KYAT1: variants seen among roughly 807,000 people sequenced by gnomAD.
The protein encoded by KYAT1 is kynurenine aminotransferase 1.
Under a neutral mutation model 52.4 loss-of-function variants are expected in KYAT1, and 47 were observed. The ratio of observed to expected loss-of-function variants is 0.90; its 90% CI spans 0.71 to 1.14. KYAT1 has a LOEUF of 1.14. Among genes scored for constraint, KYAT1 ranks in the 50% most tolerant of loss-of-function variants. The probability of loss-of-function intolerance (pLI) is 0.00; values close to 1 mark genes in which losing one functional copy is unlikely to be tolerated. For synonymous variants in KYAT1, 212 were observed against 209.6 expected, an observed-to-expected ratio of 1.01 and a Z score of -0.10; for missense variants, 480 against 557.9, an observed-to-expected ratio of 0.86 and a Z score of 1.41.
chr9:128,847,396 C>A lies in KYAT1; in HGVS notation c.-6-1985G>T. The stretch of plus-strand genomic sequence containing the variant: ...GAGCCAGACCCCAGAAGCCCCAGGC[C>A]ATGCAGGTGGCAGAGTATTGGGGTT... On this transcript the variant is annotated intron_variant, in intron 1 of 12. Transcript: ENST00000302586. The A allele has an allele frequency of 2.2e-6, 3 of 1,389,702 alleles. No individual in the cohort carries two copies. In the East Asian group the frequency reaches 7.5e-5, roughly 35 times the overall value. 86.1% of individuals were successfully genotyped at this position (1,389,702 alleles called of 1,614,324 possible).
intron 1 of KYAT1, among the ~76,000 whole-genome samples, chr9:128,876,575 G>A (rs915594409): frequency 4.0e-5 from 6 of 150,982 alleles, no homozygotes; most frequent in Admixed American, 2.6e-4. Context: ...CCGCCACCAC[G>A]CCCTGCTAAT....
chr9:128,840,283 G>C (rs1366103595), intron 3 of KYAT1, among the ~76,000 whole-genome samples: 2 of 152,036 alleles, frequency 1.3e-5, no homozygotes, highest in African/African-American at 2.4e-5. Flanking sequence ...TTTTGTTGTT[G>C]TTGTTGTTGT....
rs1031856039 is a variant in KYAT1 at position 128,835,520 on chromosome 9, G to A, written c.1003C>T (p.Gln335Ter). The A allele has an allele frequency of 3.1e-6, 5 of 1,613,792 alleles. No individual in the cohort carries two copies. The highest frequency in any genetic ancestry group is 1.3e-5 in the African/African-American group (1 of 75,054). ...QSVGLKPIIP[Q>*]GSYFLITDIS... Reference sequence around the variant, plus strand: ...TCTGTGATGAGGAAGTAGCTGCCCTGAGGGATGATGGGCTTCAGGCCCACT... The same window carrying A: ...TCTGTGATGAGGAAGTAGCTGCCCTAAGGGATGATGGGCTTCAGGCCCACT... The change falls in exon 10 of 13, where the codon CAG becomes TAG. Residue 335 changes from glutamine (Q) to a stop codon, truncating the protein, a stop_gained. Transcript: ENST00000302586. LOFTEE classifies it high-confidence loss of function.
chr9:128,836,657 T>C lies in KYAT1; in HGVS notation c.688+145A>G, dbSNP rs113965883. 9.5e-4 allele frequency: 858 copies of C among 899,652 alleles called. 5 individuals are homozygous for C. In the African/African-American group the frequency reaches 0.012, roughly 13 times the overall value. 55.7% of individuals were successfully genotyped at this position (899,652 alleles called of 1,614,324 possible). On this transcript the variant is annotated intron_variant, in intron 7 of 12. Transcript: ENST00000302586. ...AGGGAGGCAGGTGCTACTGTGACAC[T>C]GTGTACTCTGGGAGGCAAAGGTCAC...
intron 1 of KYAT1, among the ~76,000 whole-genome samples, chr9:128,850,594 C>T (rs1833826559): frequency 6.6e-6 from 1 of 152,188 alleles, no homozygotes; most frequent in Admixed American, 6.5e-5. Context: ...CGAGGTTTCT[C>T]CCCATGTGAT....
rs752091843 is a variant in KYAT1, at chr9:128,833,543, C to A, written c.*41G>T. The A allele has an allele frequency of 6.3e-7, 1 of 1,582,532 alleles. No homozygotes were observed. The highest frequency in any genetic ancestry group is 1.1e-5 in the South Asian group (1 of 90,416). ...GACAGACACTCAAAGAGGATCTCTG[C>A]GGGCATGTGGGGATGTCAGGGCCAA... On this transcript the variant is annotated 3_prime_UTR_variant, in exon 13 of 13. Coordinates refer to ENST00000302586, the MANE Select transcript of KYAT1 (RefSeq NM_004059.5).
intron 3 of KYAT1, among the ~76,000 whole-genome samples, chr9:128,839,050 G>A (rs1438636704): frequency 6.6e-6 from 1 of 151,770 alleles, no homozygotes; most frequent in South Asian, 2.1e-4. Context: ...TGCAACCTCC[G>A]CCTCCTGGGT....
intron 11 of KYAT1, among the ~76,000 whole-genome samples, chr9:128,834,171 T>C (rs1589606742): frequency 6.6e-6 from 1 of 152,114 alleles, no homozygotes. Context: ...GGCAGGAGAA[T>C]TGCTTGAACC....
intron 1 of KYAT1, chr9:128,860,127 C>G (rs1835254009): frequency 6.6e-6 from 1 of 152,122 alleles, no homozygotes; most frequent in African/African-American, 2.4e-5. Flanking sequence ...TCTTCCAGCT[C>G]CAGGAGAGAC....
At chr9:128,874,202 G>A (rs1170807438) in intron 1 of KYAT1, among the ~76,000 whole-genome samples, 1 of 151,376 alleles carries the variant, frequency 6.6e-6, no homozygotes, top group African/African-American at 2.4e-5. Context: ...GTTGCAGTGA[G>A]CCGAGATCAC....
rs61234894 is a variant in KYAT1 at position 128,863,220 on chromosome 9, C to A, written c.-6-17809G>T. 8.3e-3 allele frequency among the ~76,000 whole-genome samples: 1,266 copies of A among 152,132 alleles called. 16 individuals carry two copies. The highest frequency in any genetic ancestry group is 0.029 in the African/African-American group (1,211 of 41,504). ...CCAAGTAGACACACAAGGAGGAGGGCAGTGCTGAGAGACGGGGGAAGGATT... is the reference window on the plus strand; with the variant it reads ...CCAAGTAGACACACAAGGAGGAGGGAAGTGCTGAGAGACGGGGGAAGGATT... On this transcript the variant is annotated intron_variant, in intron 1 of 12. Coordinates refer to ENST00000302586, the MANE Select transcript of KYAT1 (RefSeq NM_004059.5).
chr9:128,833,602 C>A lies in KYAT1; in HGVS notation c.1251G>T (p.Lys417Asn), dbSNP rs1254184796. 3 of 1,614,218 alleles carry A rather than the reference C, an allele frequency of 1.9e-6. No homozygotes were observed. Among genetic ancestry groups the A allele is most frequent in the Non-Finnish European group, 2.5e-6 (3 of 1,180,038 alleles). The change falls in exon 13 of 13, where the codon AAG (lysine) becomes AAT (asparagine). Residue 417 changes from lysine to asparagine, a missense_variant. Transcript: ENST00000302586. ...TTCAGGGCTAGAGTTCCACCTTCCA[C>A]TTCCGCAGCTTCTCGTCCATGGCCT... ...TLQAMDEKLRKWKVEL is the reference protein window; with the variant it reads ...TLQAMDEKLRNWKVEL
At chr9:128,878,826 C>T (rs1413917894) in intron 1 of KYAT1, among the ~76,000 whole-genome samples, 1 of 152,182 alleles carries the variant, frequency 6.6e-6, no homozygotes, top group Non-Finnish European at 1.5e-5. Context: ...ATCTCACTCC[C>T]ATACATTAAA....
Position 128,835,821 on chromosome 9 carries a change from G to C in KYAT1, c.813C>G (p.Thr271=), listed in dbSNP as rs754018813. Residue 271 remains threonine (T), a synonymous_variant, in exon 9 of 13, where the codon ACC becomes ACG. Coordinates refer to ENST00000302586, the MANE Select transcript of KYAT1 (RefSeq NM_004059.5). ...AGTGGAAGACGGAGTTCTGGTGCAC[G>C]GTCCGCAGGTGCTTCATGATGTGAT... ...GPDHIMKHLR[T]VHQNSVFHCP... is the part of the protein sequence containing the mutation. 3 of 1,613,916 alleles carry C rather than the reference G, an allele frequency of 1.9e-6. No homozygotes were observed. In the South Asian group the frequency reaches 3.3e-5, roughly 18 times the overall value.
chr9:128,846,712 C>A (rs1174757688), intron 1 of KYAT1: 2 of 1,533,540 alleles, frequency 1.3e-6, no homozygotes, highest in Non-Finnish European at 1.7e-6. Flanking sequence ...GGTAATTTGG[C>A]TCCTCCTGTC....
chr9:128,871,509 G>C (rs1837225208), intron 1 of KYAT1, among the ~76,000 whole-genome samples: 1 of 152,046 alleles, frequency 6.6e-6, no homozygotes, highest in Non-Finnish European at 1.5e-5. Context: ...AGGATTTCCA[G>C]ACCAGCCTGG....
intron 1 of KYAT1, among the ~76,000 whole-genome samples, chr9:128,876,165 T>C (rs555355077): frequency 1.3e-4 from 19 of 151,892 alleles, no homozygotes; most frequent in African/African-American, 4.6e-4. Flanking sequence ...CTTGAACTCC[T>C]GAGCTCAAGT....
In KYAT1 at chr9:128,836,808, T is replaced by A; in HGVS notation, c.682A>T (p.Ser228Cys). ...CCAGGCTGGCTTGGCTCACCAATGC[T>A]GATGTGCTGGTGCCCGTCGTAGACC... ...WMVYDGHQHI[S>C]IASLPGMWER... Residue 228 changes from serine (S) to cysteine (C), a missense_variant, in exon 7 of 13, where the codon AGC becomes TGC. Transcript: ENST00000302586. 6.2e-7 allele frequency: 1 copy of A among 1,613,606 alleles called. No homozygotes were observed. The highest frequency in any genetic ancestry group is 8.5e-7 in the Non-Finnish European group (1 of 1,179,836).
chr9:128,866,905 C>CA (rs536684198), intron 1 of KYAT1, among the ~76,000 whole-genome samples: 268 of 104,936 alleles, frequency 2.6e-3, no homozygotes, highest in Middle Eastern at 5.1e-3. Flanking sequence ...GACTCTGTCT[C>CA]AAAAAAAAAA....
Sources: allele counts gnomAD v4.1 joint callset (sites outside exome capture counted in the v4.1 genomes callset), GRCh38; gene constraint gnomAD v4.1.1; transcripts MANE v1.5; gene names NCBI Gene and HGNC (gene_info 2026-07-23, HGNC 2026-07-21).